WWOX: variants seen among roughly 807,000 people sequenced by gnomAD.
WWOX encodes the protein WW domain containing oxidoreductase.
WWOX carries 69 observed loss-of-function variants against 46.2 expected under a neutral mutation model. That is an observed-to-expected ratio of 1.49 (90% CI 1.23 to 1.82). The LOEUF (loss-of-function observed/expected upper bound fraction) is 1.82. Among genes scored for constraint, WWOX ranks in the 40% most tolerant of loss-of-function variants. WWOX has a pLI of 0.00. For synonymous variants in WWOX, 359 were observed against 202.6 expected, an observed-to-expected ratio of 1.77 and a Z score of -6.56; for missense variants, 919 against 542.6, an observed-to-expected ratio of 1.69 and a Z score of -6.89.
At chr16:78,692,863 C>T (rs1463196390) in intron 8 of WWOX, among the ~76,000 whole-genome samples, 2 of 152,092 alleles carry the variant, frequency 1.3e-5, no homozygotes, top group Non-Finnish European at 2.9e-5. Flanking sequence ...GTGAATAGGC[C>T]ATGTTGTTTA....
At chr16:78,541,473 CAAAAAAAAAAAAAAAAAAAAAA>C (rs59900108) in intron 8 of WWOX, among the ~76,000 whole-genome samples, 1 of 45,146 alleles carries the variant, frequency 2.2e-5, no homozygotes, top group Non-Finnish European at 3.5e-5. Context: ...GACTCCGTCT[CAAAAAAAAAAAAAAAAAAAAAA>C]AAAAAAAAAA....
intron 8 of WWOX, among the ~76,000 whole-genome samples, chr16:79,069,053 T>C (rs973024277): frequency 3.3e-5 from 5 of 152,062 alleles, no homozygotes; most frequent in Non-Finnish European, 5.9e-5. Context: ...GTAGAGTCAT[T>C]TGATCAGTAA....
intron 8 of WWOX, among the ~76,000 whole-genome samples, chr16:78,697,127 G>A (rs75719433): frequency 0.013 from 1,964 of 152,262 alleles, 19 homozygotes; most frequent in South Asian, 0.037. Context: ...GTAAACATGC[G>A]TGTGCAAGTA....
chr16:78,629,918 C>T lies in WWOX; in HGVS notation c.1056+197166C>T, dbSNP rs528011476. ...TAGATTTTTAGAAATAGAAAATTAACGTAGATCACAGAAAATTATCCAAAC... is the reference window on the plus strand; with the variant it reads ...TAGATTTTTAGAAATAGAAAATTAATGTAGATCACAGAAAATTATCCAAAC... On this transcript the variant is annotated intron_variant, in intron 8 of 8. Coordinates refer to ENST00000566780, the MANE Select transcript of WWOX (RefSeq NM_016373.4). 4.5e-3 allele frequency among the ~76,000 whole-genome samples: 683 copies of T among 152,222 alleles called. 3 individuals are homozygous for T. Among genetic ancestry groups the T allele is most frequent in the Middle Eastern group, 0.01 (3 of 294 alleles).
intron 8 of WWOX, among the ~76,000 whole-genome samples, chr16:78,457,715 A>G (rs888933827): frequency 6.6e-6 from 1 of 152,014 alleles, no homozygotes; most frequent in African/African-American, 2.4e-5. Context: ...GGAGTTCGAG[A>G]CCAGCTTGGC....
intron 8 of WWOX, among the ~76,000 whole-genome samples, chr16:78,435,197 G>C (rs1477446949): frequency 6.6e-6 from 1 of 152,242 alleles, no homozygotes; most frequent in East Asian, 1.9e-4. Context: ...GGACTACCAT[G>C]TCGGGGAGGA....
intron 8 of WWOX, among the ~76,000 whole-genome samples, chr16:79,002,567 G>A (rs989023122): frequency 1.3e-5 from 2 of 152,192 alleles, no homozygotes; most frequent in Non-Finnish European, 2.9e-5. Flanking sequence ...TGCCATAGCA[G>A]AACTAAAGTG....
At chr16:78,755,503 C>G (rs1597555313) in intron 8 of WWOX, among the ~76,000 whole-genome samples, 1 of 152,130 alleles carries the variant, frequency 6.6e-6, no homozygotes, top group Non-Finnish European at 1.5e-5. Context: ...GTTCTTGAGT[C>G]AGTACCTGCC....
intron 8 of WWOX, among the ~76,000 whole-genome samples, chr16:78,660,802 T>A (rs1365974806): frequency 6.6e-6 from 1 of 152,196 alleles, no homozygotes; most frequent in African/African-American, 2.4e-5. Context: ...CAGATATGGA[T>A]AGCCTTTTCA....
At chr16:78,781,975 A>G (rs11866685) in intron 8 of WWOX, among the ~76,000 whole-genome samples, 3 of 152,164 alleles carry the variant, frequency 2.0e-5, no homozygotes, top group East Asian at 1.9e-4. Context: ...GCTGAGGCAG[A>G]GGATTCCAGC....
intron 8 of WWOX, among the ~76,000 whole-genome samples, chr16:78,474,760 G>A (rs1364351341): frequency 1.3e-5 from 2 of 151,988 alleles, no homozygotes; most frequent in South Asian, 2.1e-4. Flanking sequence ...CAGCCTCTGC[G>A]AACCGCTAGT....
rs1399794049 is a variant in WWOX, at chr16:78,343,584, G to C, written c.517-43276G>C. Among the ~76,000 whole-genome samples the C allele has an allele frequency of 2.5e-5, 3 of 121,146 alleles. 1 individual carries two copies. The highest frequency in any genetic ancestry group is 5.9e-5 in the Non-Finnish European group (3 of 50,682). 79.5% of individuals were successfully genotyped at this position (121,146 alleles called of 152,430 possible). ...ATGGCAAATCTAGTGCAGGTGCTGA[G>C]AGGCGGTAACTCTTTAAAGGGACAG... On this transcript the variant is annotated intron_variant, in intron 5 of 8. Transcript: ENST00000566780.
At chr16:78,182,644 G>T (rs1246616687) in intron 5 of WWOX, among the ~76,000 whole-genome samples, 1 of 152,008 alleles carries the variant, frequency 6.6e-6, no homozygotes, top group Non-Finnish European at 1.5e-5. Context: ...CCAGTGATAT[G>T]GCAGTGATAA....
intron 8 of WWOX, among the ~76,000 whole-genome samples, chr16:78,590,164 G>C (rs182976678): frequency 0.26 from 8,477 of 32,868 alleles, 275 homozygotes; most frequent in South Asian, 0.43. Context: ...CTCTCTCTCT[G>C]TTTATTATAG....
chr16:78,642,246 C>T (rs2046737278), intron 8 of WWOX, among the ~76,000 whole-genome samples: 1 of 152,144 alleles, frequency 6.6e-6, no homozygotes, highest in South Asian at 2.1e-4. Flanking sequence ...TGTTGACTTA[C>T]TGCAAGGTTA....
intron 5 of WWOX, among the ~76,000 whole-genome samples, chr16:78,186,348 G>T (rs937448583): frequency 3.3e-5 from 5 of 151,850 alleles, no homozygotes. Flanking sequence ...GAGGAAAAAA[G>T]TACAATTTGG....
At chr16:78,756,469 A>G (rs2049649774) in intron 8 of WWOX, among the ~76,000 whole-genome samples, 1 of 152,190 alleles carries the variant, frequency 6.6e-6, no homozygotes, top group South Asian at 2.1e-4. Context: ...TTGATTAGGC[A>G]ATAGTTTACC....
chr16:78,437,069 C>G (rs1473282566), intron 8 of WWOX, among the ~76,000 whole-genome samples: 2 of 152,186 alleles, frequency 1.3e-5, no homozygotes, highest in Admixed American at 6.5e-5. Context: ...GTGCTTCCTT[C>G]TGACACGGGT....
rs529812201 is a variant in WWOX at position 79,047,672 on chromosome 16, A to ACTT, written c.1057-163936_1057-163935insCTT. Among the ~76,000 whole-genome samples, 355 of 53,460 alleles carry ACTT rather than the reference A, an allele frequency of 6.6e-3. 5 individuals carry two copies. The highest frequency in any genetic ancestry group is 0.026 in the African/African-American group (338 of 12,980). The allele number at this position is 53,460 out of a possible 152,430, so 35.1% of individuals were successfully genotyped here. ...GTGACTTTCTCCTGAGACTGTCCTG[A>ACTT]TTTTTTTTTTTTTTTTTTTTTTTTT... is the stretch of plus-strand genomic sequence containing the variant. On this transcript the variant is annotated intron_variant, in intron 8 of 8. Transcript: ENST00000566780.
Sources: gnomAD v4.1 joint callset for allele counts (sites outside exome capture counted in the v4.1 genomes callset) on GRCh38, gnomAD v4.1.1 for gene constraint, MANE v1.5 for transcripts, NCBI Gene and HGNC (gene_info 2026-07-23, HGNC 2026-07-21) for gene names.